The following NCKAP5 variants were observed in gnomAD, a reference collection of about 807,000 sequenced individuals.
NCKAP5 encodes NCK associated protein 5.
A neutral mutation model predicts 167.0 loss-of-function variants in NCKAP5; 92 were observed. The ratio of observed to expected loss-of-function variants is 0.55; its 90% CI spans 0.47 to 0.66. NCKAP5 has a LOEUF of 0.66. Among genes scored for constraint, NCKAP5 ranks in the 30% least tolerant of loss-of-function variants. The pLI is 0.00. For missense variants in NCKAP5, 2,378 were observed against 2,315.0 expected (o/e 1.03, Z -0.56); for synonymous variants, 891 against 877.4 (o/e 1.02, Z -0.27).
At chr2:133,669,397 G>A in the NCKAP5 span, among the ~76,000 whole-genome samples, 1 of 152,042 alleles carries the variant, frequency 6.6e-6, no homozygotes, top group Non-Finnish European at 1.5e-5. Flanking sequence ...CATTTCAGTA[G>A]TACTTCTTTT....
intron 4 of NCKAP5, among the ~76,000 whole-genome samples, chr2:133,287,078 A>G (rs776018113): frequency 6.6e-6 from 1 of 152,228 alleles, no homozygotes; most frequent in South Asian, 2.1e-4. Flanking sequence ...CGGGATGGTA[A>G]TAAGTATGAG....
At chr2:133,065,186 T>C (rs778992701) in intron 6 of NCKAP5, among the ~76,000 whole-genome samples, 4 of 152,146 alleles carry the variant, frequency 2.6e-5, no homozygotes, top group African/African-American at 4.8e-5. Flanking sequence ...ATAGTTCTAA[T>C]GGCTCTTTGA....
chr2:132,800,270 G>A lies in NCKAP5; in HGVS notation c.808-3541C>T, dbSNP rs1684922895. On this transcript the variant is annotated intron_variant, in intron 11 of 19. Transcript: ENST00000409261. ...TACCCATGTATAGTTCATATTTACT[G>A]TTAGTGTTCATCTGAATAAAATCTC... Among the ~76,000 whole-genome samples, 3 of 152,178 alleles carry A rather than the reference G, an allele frequency of 2.0e-5. No homozygotes were observed. The South Asian group carries it at 6.2e-4, about 31-fold the overall frequency.
the NCKAP5 span, among the ~76,000 whole-genome samples, chr2:133,591,689 G>A: frequency 6.6e-6 from 1 of 152,172 alleles, no homozygotes; most frequent in Non-Finnish European, 1.5e-5. Context: ...ACCTTAGAAT[G>A]TGCAGAGAAT....
intron 6 of NCKAP5, among the ~76,000 whole-genome samples, chr2:133,038,653 G>A (rs1040697044): frequency 6.6e-6 from 1 of 152,002 alleles, no homozygotes; most frequent in African/African-American, 2.4e-5. Context: ...AAGAATAAAT[G>A]CTTCAGGAAA....
the NCKAP5 span, among the ~76,000 whole-genome samples, chr2:133,604,044 C>T: frequency 3.3e-5 from 5 of 152,282 alleles, no homozygotes; most frequent in South Asian, 8.3e-4. Context: ...AGGGAGTCTG[C>T]TTCTTTGCAG....
At chr2:133,421,759 G>T (rs1186685570) in intron 3 of NCKAP5, among the ~76,000 whole-genome samples, 1 of 152,230 alleles carries the variant, frequency 6.6e-6, no homozygotes, top group East Asian at 1.9e-4. Context: ...TCTCTGATCT[G>T]ACAGCCTCAG....
chr2:133,431,285 C>T (rs1690142561), intron 3 of NCKAP5, among the ~76,000 whole-genome samples: 1 of 152,128 alleles, frequency 6.6e-6, no homozygotes, highest in African/African-American at 2.4e-5. Context: ...GTCATACTCT[C>T]CATGTTTTAT....
chr2:132,762,187 G>C (rs72844795), intron 16 of NCKAP5, among the ~76,000 whole-genome samples: 15,764 of 150,594 alleles, frequency 0.1, 895 homozygotes, highest in Middle Eastern at 0.14. Context: ...ACAAAACAAG[G>C]CAACTTACAT....
intron 3 of NCKAP5, among the ~76,000 whole-genome samples, chr2:133,494,584 A>G (rs1466634527): frequency 6.6e-6 from 1 of 151,890 alleles, no homozygotes; most frequent in African/African-American, 2.4e-5. Flanking sequence ...TAAACCTGAA[A>G]CTCGACTTCA....
intron 5 of NCKAP5, among the ~76,000 whole-genome samples, chr2:133,190,801 C>G (rs939412889): frequency 3.9e-5 from 6 of 152,098 alleles, no homozygotes; most frequent in African/African-American, 1.2e-4. Context: ...AATGTTAGAC[C>G]TAAACCTATA....
In NCKAP5 at chr2:132,782,942, G is replaced by A. The variant is rs375653673; in HGVS notation, c.3869C>T (p.Pro1290Leu). Residue 1290 changes from proline to leucine, a missense_variant, in exon 14 of 20, where the codon CCC becomes CTC. By Grantham distance (98) the Pro-to-Leu change is moderately conservative. Around this residue, in one of 3 missense-constraint regions of NCKAP5, gnomAD observed 1,325 missense variants for 1,274.5 expected, o/e 1.04. Transcript: ENST00000409261. ...GCGGACTTTGCCTGACCCTTCGATG[G>A]GGGGCGTAGAAGGCTTGTCTCCTGA... is the stretch of plus-strand genomic sequence containing the variant. Reference protein sequence around the residue: ...THSGDKPSTPPIEGSGKVRTQ... With the variant: ...THSGDKPSTPLIEGSGKVRTQ... The A allele has an allele frequency of 6.2e-7, 1 of 1,614,034 alleles. No homozygotes were observed. The highest frequency in any genetic ancestry group is 8.5e-7 in the Non-Finnish European group (1 of 1,179,892).
the NCKAP5 span, among the ~76,000 whole-genome samples, chr2:133,629,674 G>C: frequency 2.6e-5 from 4 of 152,054 alleles, no homozygotes; most frequent in African/African-American, 9.7e-5. Flanking sequence ...AAAGATTCAT[G>C]AACACATATG....
chr2:132,895,834 C>CAA (rs796888286), intron 8 of NCKAP5, among the ~76,000 whole-genome samples: 141 of 85,730 alleles, frequency 1.6e-3, no homozygotes, highest in Admixed American at 3.3e-3. Flanking sequence ...AAAAAAAAAA[C>CAA]AAAAAAAAAA....
At chr2:132,774,857 C>A (rs867795559) in intron 15 of NCKAP5, among the ~76,000 whole-genome samples, 53 of 152,252 alleles carry the variant, frequency 3.5e-4, no homozygotes, top group African/African-American at 1.2e-3. Flanking sequence ...AGATGAAGAC[C>A]CATCCCAAAG....
intron 3 of NCKAP5, among the ~76,000 whole-genome samples, chr2:133,507,456 C>A (rs1683110522): frequency 6.6e-6 from 1 of 152,186 alleles, no homozygotes; most frequent in Non-Finnish European, 1.5e-5. Flanking sequence ...AAGCAAACCT[C>A]AGGGGCATAT....
the NCKAP5 span, among the ~76,000 whole-genome samples, chr2:133,634,456 C>T: frequency 6.6e-6 from 1 of 152,172 alleles, no homozygotes; most frequent in Non-Finnish European, 1.5e-5. Flanking sequence ...AATAAACTGC[C>T]AGAGTTTAGA....
chr2:132,946,262 G>C (rs1697714926), intron 8 of NCKAP5, among the ~76,000 whole-genome samples: 1 of 152,174 alleles, frequency 6.6e-6, no homozygotes, highest in African/African-American at 2.4e-5. Flanking sequence ...CTTTGAGAAA[G>C]AGGCTGTCCT....
chr2:133,136,567 A>G (rs2082794218), intron 5 of NCKAP5, among the ~76,000 whole-genome samples: 1 of 152,210 alleles, frequency 6.6e-6, no homozygotes, highest in Non-Finnish European at 1.5e-5. Context: ...AGTAATCGCT[A>G]TATGTCTGTT....
Sources: allele counts gnomAD v4.1 joint callset (sites outside exome capture counted in the v4.1 genomes callset), GRCh38; gene constraint gnomAD v4.1.1; regional missense constraint gnomAD v4.1.1; transcripts MANE v1.5; gene names NCBI Gene and HGNC (gene_info 2026-07-23, HGNC 2026-07-21).